The following ESRRG variants were observed in gnomAD, a reference collection of about 807,000 sequenced individuals.
ESRRG encodes the protein estrogen related receptor gamma.
In ESRRG, 13 loss-of-function variants were observed where a neutral mutation model predicts 44.0. The observed-to-expected ratio is 0.30, with a 90% CI of 0.19 to 0.47. The LOEUF is 0.47. ESRRG is among the 20% of genes least tolerant of loss of function. ESRRG has a pLI of 1.00. For synonymous variants in ESRRG, 215 were observed against 214.6 expected, an observed-to-expected ratio of 1.00 and a Z score of -0.02; for missense variants, 395 against 580.6, an observed-to-expected ratio of 0.68 and a Z score of 3.29.
At chr1:216,842,270 A>G (rs2095665259) in intron 2 of ESRRG, among the ~76,000 whole-genome samples, 1 of 152,132 alleles carries the variant, frequency 6.6e-6, no homozygotes, top group Admixed American at 6.6e-5. Flanking sequence ...ATATATTTAT[A>G]CTGAGGCTTA....
At chr1:216,873,915 A>G (rs1374005683) in intron 2 of ESRRG, among the ~76,000 whole-genome samples, 2 of 74,390 alleles carry the variant, frequency 2.7e-5, no homozygotes, top group Admixed American at 1.5e-4. Context: ...AGGGAAGGGA[A>G]GGGAAGGGAA....
intron 1 of ESRRG, among the ~76,000 whole-genome samples, chr1:216,718,276 G>C (rs2085344950): frequency 6.6e-6 from 1 of 151,790 alleles, no homozygotes; most frequent in African/African-American, 2.4e-5. Flanking sequence ...ACTTTTAGCA[G>C]CATACCTATA....
intron 2 of ESRRG, among the ~76,000 whole-genome samples, chr1:216,889,541 C>T (rs1054740014): frequency 1.3e-5 from 2 of 152,184 alleles, no homozygotes; most frequent in South Asian, 4.1e-4. Context: ...AGGAGTTTCT[C>T]CATTCTGGTC....
chr1:217,106,316 C>T (rs1160176459), intron 1 of ESRRG, among the ~76,000 whole-genome samples: 2 of 152,158 alleles, frequency 1.3e-5, no homozygotes, highest in Non-Finnish European at 2.9e-5. Context: ...TCTAGGTTGT[C>T]CTTCTCTGTT....
intron 3 of ESRRG, among the ~76,000 whole-genome samples, chr1:216,588,077 T>C (rs747986267): frequency 6.6e-6 from 1 of 152,190 alleles, no homozygotes; most frequent in Non-Finnish European, 1.5e-5. Context: ...TTTGTGGGTA[T>C]GGTACATTAA....
At chr1:217,019,716 C>G (rs756671840) in intron 1 of ESRRG, among the ~76,000 whole-genome samples, 5 of 152,102 alleles carry the variant, frequency 3.3e-5, no homozygotes, top group Non-Finnish European at 5.9e-5. Flanking sequence ...TTTATAGAAA[C>G]CAGGTTTCTT....
chr1:217,101,689 A>G (rs2092514440), intron 1 of ESRRG, among the ~76,000 whole-genome samples: 1 of 152,092 alleles, frequency 6.6e-6, no homozygotes. Flanking sequence ...ACACACACCC[A>G]CATGCATATT....
rs1343530878 is a variant in ESRRG at position 216,794,011 on chromosome 1, G to GA, written c.-13-116521dup. Reference sequence around the variant, plus strand: ...GGTTTAACCCAGAGTATATAGAAGAGAAAAAAATTCTGAAATGAGATCACT... The same window carrying GA: ...GGTTTAACCCAGAGTATATAGAAGAGAAAAAAAATTCTGAAATGAGATCACT... On this transcript the variant is annotated intron_variant, in intron 2 of 7. Coordinates refer to the ESRRG transcript ENST00000359162. Among the ~76,000 whole-genome samples the GA allele has an allele frequency of 6.7e-5, 10 of 148,290 alleles. No individual in the cohort carries two copies. The East Asian group carries it at 1.8e-3, about 27-fold the overall frequency.
chr1:216,696,654 T>C lies in ESRRG; in HGVS notation c.57-19163A>G, dbSNP rs569982906. ...TATTTATATCATAGTTACTCCCTAA[T>C]TGGTACAGAATTAGAGTCTTCTAAT... On this transcript the variant is annotated intron_variant, in intron 1 of 6. Transcript: ENST00000408911. Among the ~76,000 whole-genome samples, 52 of 152,264 alleles carry C rather than the reference T, an allele frequency of 3.4e-4. 2 individuals are homozygous for C. The highest frequency in any genetic ancestry group is 2.5e-3 in the South Asian group (12 of 4,826).
chr1:217,000,095 C>T (rs1341622725), intron 1 of ESRRG, among the ~76,000 whole-genome samples: 1 of 152,186 alleles, frequency 6.6e-6, no homozygotes, highest in Non-Finnish European at 1.5e-5. Flanking sequence ...AGATTTTTTA[C>T]ATGTAAAATG....
intron 3 of ESRRG, among the ~76,000 whole-genome samples, chr1:216,575,749 G>C (rs903722250): frequency 1.3e-5 from 2 of 152,074 alleles, no homozygotes; most frequent in African/African-American, 2.4e-5. Context: ...TTTTGGAAGA[G>C]AGCATTTGGT....
intron 1 of ESRRG, among the ~76,000 whole-genome samples, chr1:217,098,299 A>G (rs778385561): frequency 7.3e-5 from 11 of 150,806 alleles, no homozygotes; most frequent in Non-Finnish European, 1.6e-4. Context: ...GTGAAAAAGT[A>G]CATCATAAAA....
At chr1:216,851,172 G>A (rs1313874516) in intron 2 of ESRRG, among the ~76,000 whole-genome samples, 2 of 151,736 alleles carry the variant, frequency 1.3e-5, no homozygotes, top group Middle Eastern at 3.4e-3. Flanking sequence ...AAAGGTTAAA[G>A]ATCTATGACT....
chr1:216,512,685 C>T (rs774958240), intron 6 of ESRRG, among the ~76,000 whole-genome samples: 2 of 151,644 alleles, frequency 1.3e-5, no homozygotes, highest in Non-Finnish European at 2.9e-5. Flanking sequence ...ATGTACTTAT[C>T]GTGGTAGGCT....
chr1:216,769,388 G>C (rs927275392), intron 2 of ESRRG, among the ~76,000 whole-genome samples: 2 of 152,120 alleles, frequency 1.3e-5, no homozygotes, highest in Non-Finnish European at 2.9e-5. Context: ...GAAGAGAACT[G>C]AAAGAGTAAA....
intron 3 of ESRRG, among the ~76,000 whole-genome samples, chr1:216,581,506 A>G (rs2062758764): frequency 6.6e-6 from 1 of 152,182 alleles, no homozygotes; most frequent in Non-Finnish European, 1.5e-5. Flanking sequence ...TCATTTGCAC[A>G]AGTTTCCCTC....
chr1:216,761,996 C>T (rs2092803561), intron 2 of ESRRG, among the ~76,000 whole-genome samples: 1 of 152,152 alleles, frequency 6.6e-6, no homozygotes, highest in African/African-American at 2.4e-5. Context: ...CATACCAACA[C>T]TTTGCCAAGT....
intron 5 of ESRRG, among the ~76,000 whole-genome samples, chr1:216,562,121 TG>T (rs2058867636): frequency 6.6e-6 from 1 of 152,176 alleles, no homozygotes; most frequent in African/African-American, 2.4e-5. Context: ...TGACTTTTAT[TG>T]GTTTTTATTA....
chr1:216,624,130 C>T (rs1410562615), intron 3 of ESRRG, among the ~76,000 whole-genome samples: 3 of 152,136 alleles, frequency 2.0e-5, no homozygotes, highest in Non-Finnish European at 2.9e-5. Context: ...CAACAAAGGC[C>T]GGCCTTGGTC....
Sources: gnomAD v4.1 joint callset for allele counts (sites outside exome capture counted in the v4.1 genomes callset) on GRCh38, gnomAD v4.1.1 for gene constraint, MANE v1.5 for transcripts, NCBI Gene and HGNC (gene_info 2026-07-23, HGNC 2026-07-21) for gene names.